CDH13: variants seen among roughly 807,000 people sequenced by gnomAD.
The protein encoded by CDH13 is cadherin-13.
In CDH13, 24 loss-of-function variants were observed where a neutral mutation model predicts 63.8. That is an observed-to-expected ratio of 0.38 (90% CI 0.27 to 0.53). The LOEUF (loss-of-function observed/expected upper bound fraction) is 0.53. CDH13 is among the 20% of genes least tolerant of loss of function. The pLI, the probability that CDH13 is intolerant of heterozygous loss-of-function variation, is 0.85. For synonymous variants in CDH13, 503 were observed against 355.3 expected, an observed-to-expected ratio of 1.42 and a Z score of -4.67; for missense variants, 1,049 against 903.1, an observed-to-expected ratio of 1.16 and a Z score of -2.07.
chr16:83,532,860 G>T (rs186007179), intron 7 of CDH13, among the ~76,000 whole-genome samples: 2 of 152,146 alleles, frequency 1.3e-5, no homozygotes, highest in African/African-American at 4.8e-5. Flanking sequence ...CCAACATCCC[G>T]GCAGACGGAA....
At chr16:83,153,769 A>G (rs1346665101) in intron 4 of CDH13, among the ~76,000 whole-genome samples, 1 of 152,234 alleles carries the variant, frequency 6.6e-6, no homozygotes, top group Admixed American at 6.5e-5. Flanking sequence ...TCTAACTTCC[A>G]AAACCATGAG....
intron 2 of CDH13, among the ~76,000 whole-genome samples, chr16:83,006,115 C>G (rs537037601): frequency 2.7e-4 from 41 of 152,314 alleles, no homozygotes; most frequent in African/African-American, 9.1e-4. Context: ...GGCGTCAGCT[C>G]TCCTTTAACT....
chr16:83,031,051 C>A (rs1010365401), intron 2 of CDH13, among the ~76,000 whole-genome samples: 9 of 151,384 alleles, frequency 5.9e-5, no homozygotes, highest in Non-Finnish European at 1.5e-5. Context: ...CACTAGAATT[C>A]TATATGGTGC....
chr16:83,573,950 G>T (rs1904873985), intron 7 of CDH13, among the ~76,000 whole-genome samples: 1 of 152,106 alleles, frequency 6.6e-6, no homozygotes, highest in Admixed American at 6.5e-5. Flanking sequence ...CCAGATTTCA[G>T]TAAATTGGGT....
At chr16:83,530,908 A>T (rs2075070270) in intron 7 of CDH13, among the ~76,000 whole-genome samples, 1 of 152,240 alleles carries the variant, frequency 6.6e-6, no homozygotes, top group Non-Finnish European at 1.5e-5. Flanking sequence ...GCATTCACAC[A>T]GACTGGATTC....
chr16:83,459,757 G>A (rs893717120), intron 6 of CDH13, among the ~76,000 whole-genome samples: 1 of 152,214 alleles, frequency 6.6e-6, no homozygotes, highest in Non-Finnish European at 1.5e-5. Context: ...ACTGCATAAG[G>A]AGGTGAAAGG....
intron 10 of CDH13, chr16:83,717,789 A>C (rs72797288): frequency 0.11 from 17,374 of 152,310 alleles, 1,229 homozygotes; most frequent in Admixed American, 0.16. Flanking sequence ...TGACAGAGGC[A>C]GCTCTTTAAA....
Position 83,201,625 on chromosome 16 carries a change from C to T in CDH13, c.484-15720C>T, listed in dbSNP as rs112017423. Among the ~76,000 whole-genome samples the T allele has an allele frequency of 2.8e-3, 428 of 151,870 alleles. 2 individuals are homozygous for T. The highest frequency in any genetic ancestry group is 0.01 in the Middle Eastern group (3 of 294). ...AAGATTGAGTAACGTTGGCTGGGCA[C>T]GGTGGCTCACGCCTGTAATCCCAGC... On this transcript the variant is annotated intron_variant, in intron 4 of 13. Transcript: ENST00000567109.
chr16:82,775,290 G>A (rs578028369), intron 1 of CDH13, among the ~76,000 whole-genome samples: 48 of 152,284 alleles, frequency 3.2e-4, no homozygotes, highest in Admixed American at 4.6e-4. Flanking sequence ...GAAAGTCAGC[G>A]GAGCCTCCTA....
intron 6 of CDH13, among the ~76,000 whole-genome samples, chr16:83,467,871 C>G (rs1196202482): frequency 6.6e-6 from 1 of 152,158 alleles, no homozygotes; most frequent in African/African-American, 2.4e-5. Flanking sequence ...AGCACAGTAC[C>G]CTGGGCAGCA....
chr16:82,638,385 C>T (rs185841736), intron 1 of CDH13, among the ~76,000 whole-genome samples: 2 of 152,336 alleles, frequency 1.3e-5, no homozygotes, highest in African/African-American at 2.4e-5. Context: ...AGATAATTGA[C>T]TTCATTTCCC....
chr16:83,623,162 C>T (rs1909966539), intron 8 of CDH13, among the ~76,000 whole-genome samples: 1 of 152,004 alleles, frequency 6.6e-6, no homozygotes, highest in South Asian at 2.1e-4. Flanking sequence ...TGCCCTGAGG[C>T]ATACAAGAGC....
At chr16:83,568,406 C>T (rs372341120) in intron 7 of CDH13, among the ~76,000 whole-genome samples, 101 of 152,210 alleles carry the variant, frequency 6.6e-4, no homozygotes, top group Non-Finnish European at 1.2e-3. Flanking sequence ...CCAAATTCAA[C>T]GATTACTTGT....
chr16:82,759,231 A>C (rs887836954), intron 1 of CDH13, among the ~76,000 whole-genome samples: 5 of 151,990 alleles, frequency 3.3e-5, no homozygotes, highest in African/African-American at 1.2e-4. Flanking sequence ...TTTAATATAA[A>C]CTTTATTTGT....
intron 2 of CDH13, among the ~76,000 whole-genome samples, chr16:82,864,527 G>A (rs1050883603): frequency 6.6e-6 from 1 of 151,962 alleles, no homozygotes; most frequent in African/African-American, 2.4e-5. Flanking sequence ...AAGGGGAGGA[G>A]CCCCTTATAA....
chr16:82,819,781 A>G (rs527251101), intron 1 of CDH13, among the ~76,000 whole-genome samples: 3 of 152,366 alleles, frequency 2.0e-5, no homozygotes, highest in South Asian at 2.1e-4. Flanking sequence ...GAATACATCA[A>G]TGAATAAATA....
chr16:83,492,995 A>G (rs139458980), intron 7 of CDH13, among the ~76,000 whole-genome samples: 106 of 152,168 alleles, frequency 7.0e-4, no homozygotes, highest in African/African-American at 2.3e-3. Flanking sequence ...GGCATAGACT[A>G]CCTGTGTTTT....
intron 1 of CDH13, among the ~76,000 whole-genome samples, chr16:82,776,545 G>A (rs2035506781): frequency 6.6e-6 from 1 of 152,206 alleles, no homozygotes; most frequent in African/African-American, 2.4e-5. Flanking sequence ...CAGACAACCT[G>A]CAAATATGAA....
At chr16:83,039,368 TG>T (rs1303364975) in intron 3 of CDH13, among the ~76,000 whole-genome samples, 1 of 152,190 alleles carries the variant, frequency 6.6e-6, no homozygotes, top group African/African-American at 2.4e-5. Flanking sequence ...CATCTCTAAG[TG>T]GCTTGACCTG....
Sources: gnomAD v4.1 joint callset for allele counts (sites outside exome capture counted in the v4.1 genomes callset) on GRCh38, gnomAD v4.1.1 for gene constraint, MANE v1.5 for transcripts, NCBI Gene and HGNC (gene_info 2026-07-23, HGNC 2026-07-21) for gene names.